Variants in NEGR1 observed in about 807,000 individuals in gnomAD.
NEGR1 encodes neuronal growth regulator 1, also known as IgLON family member 4.
NEGR1 carries 10 observed loss-of-function variants against 40.9 expected under a neutral mutation model. That is an observed-to-expected ratio of 0.24 (90% CI 0.15 to 0.42). NEGR1 has a LOEUF of 0.42. Ranked by LOEUF, NEGR1 falls within the 10% of genes least tolerant of loss-of-function variation. The pLI is 1.00. For missense variants in NEGR1, 352 were observed against 438.9 expected, an observed-to-expected ratio of 0.80 and a Z score of 1.77; for synonymous variants, 185 against 166.8, an observed-to-expected ratio of 1.11 and a Z score of -0.84.
chr1:72,003,776 T>C (rs942901757), intron 1 of NEGR1, among the ~76,000 whole-genome samples: 5 of 152,164 alleles, frequency 3.3e-5, no homozygotes, highest in South Asian at 2.1e-4. Context: ...GCCAATGCAA[T>C]GTACAGAAAA....
At chr1:71,694,228 G>A (rs781659356) in intron 4 of NEGR1, among the ~76,000 whole-genome samples, 10 of 151,440 alleles carry the variant, frequency 6.6e-5, no homozygotes, top group Non-Finnish European at 1.3e-4. Context: ...TTAATCAAAT[G>A]TGTCAATTTT....
At chr1:72,281,380 G>A (rs1053050786) in intron 1 of NEGR1, among the ~76,000 whole-genome samples, 4 of 152,106 alleles carry the variant, frequency 2.6e-5, no homozygotes, top group African/African-American at 7.2e-5. Context: ...GGTTCTTACA[G>A]CATGGAAGTG....
intron 6 of NEGR1, among the ~76,000 whole-genome samples, chr1:71,513,826 C>T (rs1011772695): frequency 1.3e-5 from 2 of 150,990 alleles, no homozygotes; most frequent in South Asian, 4.3e-4. Context: ...GTTCATCTCA[C>T]TAGGGAGTGC....
chr1:71,507,981 TC>T (rs927957546), intron 6 of NEGR1, among the ~76,000 whole-genome samples: 32 of 152,126 alleles, frequency 2.1e-4, no homozygotes, highest in African/African-American at 7.2e-4. Flanking sequence ...TGGAATTGTC[TC>T]CCCCACAAGT....
At chr1:71,977,140 T>C (rs190059988) in intron 1 of NEGR1, among the ~76,000 whole-genome samples, 6 of 152,118 alleles carry the variant, frequency 3.9e-5, no homozygotes, top group African/African-American at 1.4e-4. Context: ...CTGGCCAACA[T>C]GGTGAAACCC....
chr1:72,016,213 T>A (rs12042679), intron 1 of NEGR1, among the ~76,000 whole-genome samples: 3 of 152,004 alleles, frequency 2.0e-5, no homozygotes, highest in African/African-American at 7.2e-5. Context: ...TGATGAAATG[T>A]GTTAAAAAAA....
chr1:71,581,266 G>A (rs1452546977), intron 6 of NEGR1, among the ~76,000 whole-genome samples: 4 of 152,098 alleles, frequency 2.6e-5, no homozygotes, highest in Non-Finnish European at 4.4e-5. Flanking sequence ...CAAGTTACAG[G>A]TTGATTTATT....
chr1:71,633,396 A>G (rs1048096526), intron 4 of NEGR1, among the ~76,000 whole-genome samples: 24 of 152,240 alleles, frequency 1.6e-4, no homozygotes, highest in Admixed American at 1.2e-3. Flanking sequence ...TATTGTTGGT[A>G]ATTTTTCTGT....
At chr1:71,961,006 T>C (rs1198834699) in intron 1 of NEGR1, among the ~76,000 whole-genome samples, 1 of 152,186 alleles carries the variant, frequency 6.6e-6, no homozygotes, top group African/African-American at 2.4e-5. Context: ...TTTCTAACTT[T>C]TCTACAAATA....
At chr1:72,167,063 G>A (rs893614026) in intron 1 of NEGR1, among the ~76,000 whole-genome samples, 2 of 152,044 alleles carry the variant, frequency 1.3e-5, no homozygotes, top group African/African-American at 4.8e-5. Context: ...AAGGTACAGA[G>A]ATAAAATTTT....
At chr1:71,587,216 C>T (rs188950527) in intron 6 of NEGR1, among the ~76,000 whole-genome samples, 40 of 152,186 alleles carry the variant, frequency 2.6e-4, no homozygotes, top group African/African-American at 9.1e-4. Flanking sequence ...CTGAAGCAAG[C>T]AGAGAGCTGA....
At chr1:71,645,723 A>T (rs1458106323) in intron 4 of NEGR1, among the ~76,000 whole-genome samples, 2 of 151,830 alleles carry the variant, frequency 1.3e-5, no homozygotes, top group African/African-American at 4.8e-5. Flanking sequence ...TGGAAGTAAG[A>T]GGCTAACATT....
At chr1:71,476,493 G>C (rs1477613801) in intron 6 of NEGR1, among the ~76,000 whole-genome samples, 1 of 152,014 alleles carries the variant, frequency 6.6e-6, no homozygotes, top group Admixed American at 6.6e-5. Context: ...TTTGCCTGGG[G>C]GCCTTAGGCC....
At chr1:71,934,314 T>A (rs1352759299) in intron 2 of NEGR1, among the ~76,000 whole-genome samples, 6 of 152,150 alleles carry the variant, frequency 3.9e-5, no homozygotes, top group African/African-American at 1.4e-4. Context: ...CTCTTACATT[T>A]TAATATGGAA....
intron 1 of NEGR1, among the ~76,000 whole-genome samples, chr1:72,250,415 T>C: frequency 6.6e-6 from 1 of 152,136 alleles, no homozygotes; most frequent in Non-Finnish European, 1.5e-5. Flanking sequence ...AAGCATATTA[T>C]GATATAATAT....
At chr1:72,249,055 C>T (rs1655000696) in intron 1 of NEGR1, among the ~76,000 whole-genome samples, 1 of 152,068 alleles carries the variant, frequency 6.6e-6, no homozygotes, top group Non-Finnish European at 1.5e-5. Context: ...ATGTTGAAAC[C>T]CATCACCTAT....
At chr1:71,936,643 C>T (rs1306890552) in intron 1 of NEGR1, among the ~76,000 whole-genome samples, 1 of 152,024 alleles carries the variant, frequency 6.6e-6, no homozygotes, top group Non-Finnish European at 1.5e-5. Flanking sequence ...CTACAAATAA[C>T]CATGAGATAT....
chr1:71,806,830 C>A (rs1219064589), intron 2 of NEGR1, among the ~76,000 whole-genome samples: 1 of 151,750 alleles, frequency 6.6e-6, no homozygotes, highest in Non-Finnish European at 1.5e-5. Flanking sequence ...AGTTTTAATC[C>A]CCATCCTACA....
chr1:71,944,107 G>C (rs1466534537), intron 1 of NEGR1, among the ~76,000 whole-genome samples: 1 of 152,132 alleles, frequency 6.6e-6, no homozygotes, highest in African/African-American at 2.4e-5. Flanking sequence ...GATTGAATGT[G>C]AGATATTGGG....
Sources: allele counts gnomAD v4.1 joint callset (sites outside exome capture counted in the v4.1 genomes callset), GRCh38; gene constraint gnomAD v4.1.1; transcripts MANE v1.5; gene names NCBI Gene and HGNC (gene_info 2026-07-23, HGNC 2026-07-21).